KIF6: variants seen among roughly 807,000 people sequenced by gnomAD.
The protein encoded by KIF6 is kinesin-like protein KIF6.
Under a neutral mutation model 112.7 loss-of-function variants are expected in KIF6, and 106 were observed. That is an observed-to-expected ratio of 0.94 (90% CI 0.80 to 1.11). The LOEUF (loss-of-function observed/expected upper bound fraction) is 1.11, where lower values mean the gene tolerates loss of function less well. Among genes scored for constraint, KIF6 ranks in the 50% least tolerant of loss-of-function variants. KIF6 has a pLI of 0.00. For synonymous variants in KIF6, 339 were observed against 339.9 expected (o/e 1.00, Z 0.03); for missense variants, 929 against 964.0 (o/e 0.96, Z 0.48).
intron 16 of KIF6, among the ~76,000 whole-genome samples, chr6:39,364,705 T>G (rs1414095988): frequency 6.6e-6 from 1 of 152,376 alleles, no homozygotes; most frequent in East Asian, 1.9e-4. Flanking sequence ...TGTACCCTAT[T>G]GCTAATTCTC....
intron 10 of KIF6, among the ~76,000 whole-genome samples, chr6:39,561,509 G>A (rs937676256): frequency 6.6e-6 from 1 of 151,746 alleles, no homozygotes; most frequent in African/African-American, 2.4e-5. Flanking sequence ...AGGTCACCAC[G>A]CCCGGTTAAT....
intron 13 of KIF6, among the ~76,000 whole-genome samples, chr6:39,533,734 T>A (rs1313475683): frequency 2.0e-5 from 3 of 152,226 alleles, no homozygotes; most frequent in African/African-American, 7.2e-5. Flanking sequence ...AAGCTGGAGA[T>A]CTGAGAACTG....
In KIF6 at chr6:39,634,972, G is replaced by A. The variant is rs1171814081; in HGVS notation, c.400-14C>T. 2 of 1,371,140 alleles carry A rather than the reference G, an allele frequency of 1.5e-6. No homozygotes were observed. Among genetic ancestry groups the A allele is most frequent in the Admixed American group, 1.7e-5 (1 of 59,478 alleles). The allele number at this position is 1,371,140 out of a possible 1,614,324, so 84.9% of individuals were successfully genotyped here. ...TTTGCTGCTGTCCTGATTGGAAAAG[G>A]GAAAGGTATTATTTATCGGTTATAA... On this transcript the variant is annotated splice_polypyrimidine_tract_variant and intron_variant, in intron 4 of 22. Transcript: ENST00000287152.
At chr6:39,409,726 T>C (rs1476585609) in intron 15 of KIF6, among the ~76,000 whole-genome samples, 3 of 152,184 alleles carry the variant, frequency 2.0e-5, no homozygotes, top group African/African-American at 4.8e-5. Flanking sequence ...CTGAGTGGAA[T>C]GGCGGCTGCG....
Position 39,649,761 on chromosome 6 carries a change from GAAAGAAAGAAAGA to G in KIF6, c.252-10017_252-10005del, listed in dbSNP as rs1561897417. Among the ~76,000 whole-genome samples, 387 of 102,194 alleles carry G rather than the reference GAAAGAAAGAAAGA, an allele frequency of 3.8e-3. 4 individuals are homozygous for G. The highest frequency in any genetic ancestry group is 4.6e-3 in the Admixed American group (35 of 7,678). 67.0% of individuals were successfully genotyped at this position (102,194 alleles called of 152,430 possible). ...AGAAAGAAAGAAAGAAAGAAAGAAAGAAAGAAAGAAAGAAAAGAAACTAAACTAAATATCAGCA... is the reference window on the plus strand; with the variant it reads ...AGAAAGAAAGAAAGAAAGAAAGAAAGAAAGAAACTAAACTAAATATCAGCA... On this transcript the variant is annotated intron_variant, in intron 3 of 22. Transcript: ENST00000287152.
At chr6:39,557,053 A>G (rs1432398901) in intron 10 of KIF6, among the ~76,000 whole-genome samples, 2 of 152,112 alleles carry the variant, frequency 1.3e-5, no homozygotes, top group African/African-American at 2.4e-5. Flanking sequence ...ACCTACATAC[A>G]TATGCACATA....
intron 10 of KIF6, chr6:39,554,360 C>A: frequency 6.4e-6 from 1 of 156,680 alleles, no homozygotes; most frequent in South Asian, 1.8e-4. Flanking sequence ...CCTGAACAGC[C>A]TGACTGGCCC....
chr6:39,425,407 C>T (rs538789776), intron 14 of KIF6, among the ~76,000 whole-genome samples: 9 of 152,282 alleles, frequency 5.9e-5, no homozygotes, highest in Admixed American at 2.0e-4. Context: ...GCTGCCTCCA[C>T]TTTATTGTAA....
chr6:39,604,661 T>C (rs1366366950), intron 6 of KIF6, among the ~76,000 whole-genome samples: 1 of 152,180 alleles, frequency 6.6e-6, no homozygotes, highest in African/African-American at 2.4e-5. Flanking sequence ...AGAAATAGAC[T>C]AGACACACCA....
chr6:39,619,645 G>A (rs1459144880), intron 5 of KIF6, among the ~76,000 whole-genome samples: 1 of 152,158 alleles, frequency 6.6e-6, no homozygotes, highest in Non-Finnish European at 1.5e-5. Flanking sequence ...ATAACTGGAA[G>A]CTGTTGGCCA....
chr6:39,420,003 T>C lies in KIF6; in HGVS notation c.1755A>G (p.Arg585=). The change falls in exon 15 of 23, where the codon AGA becomes AGG. Residue 585 remains arginine, a splice_region_variant and synonymous_variant. Transcript: ENST00000287152. ...CTCCCAGGGCCTTGGCTTCAGAAAA[T>C]CTGGAGGGGAAAAAAATGAAAATTG... ...IDDNKQILKQ[R]FSEAKALGES... 2.5e-6 allele frequency: 4 copies of C among 1,610,506 alleles called. No homozygotes were observed. Among genetic ancestry groups the C allele is most frequent in the Non-Finnish European group, 3.4e-6 (4 of 1,176,930 alleles).
chr6:39,339,259 T>A (rs949965706), intron 22 of KIF6, among the ~76,000 whole-genome samples: 2 of 152,120 alleles, frequency 1.3e-5, no homozygotes, highest in African/African-American at 4.8e-5. Context: ...GCTTGGGAGT[T>A]GATAAGGGAC....
chr6:39,679,818 C>T (rs1787403124), intron 3 of KIF6, among the ~76,000 whole-genome samples: 1 of 151,184 alleles, frequency 6.6e-6, no homozygotes. Context: ...GGGGTTTCAC[C>T]GTGTTAGCCA....
Position 39,725,226 on chromosome 6 carries a change from C to G in KIF6, c.66+19G>C, listed in dbSNP as rs376632151. On this transcript the variant is annotated intron_variant, in intron 1 of 22. Transcript: ENST00000287152. Reference sequence around the variant, plus strand: ...AAGAGGCCCCGCCGCGCCGGCGCCCCGGAGGCTCCAGCCCGTACCCCTTGT... The same window carrying G: ...AAGAGGCCCCGCCGCGCCGGCGCCCGGGAGGCTCCAGCCCGTACCCCTTGT... 3.5e-4 allele frequency: 560 copies of G among 1,602,120 alleles called. 2 individuals carry two copies. Among genetic ancestry groups the G allele is most frequent in the Non-Finnish European group, 4.4e-4 (521 of 1,174,992 alleles).
intron 3 of KIF6, among the ~76,000 whole-genome samples, chr6:39,705,342 G>C (rs998360872): frequency 6.6e-6 from 1 of 152,182 alleles, no homozygotes; most frequent in Non-Finnish European, 1.5e-5. Flanking sequence ...CTAGACAAAA[G>C]AGCAGGTGTC....
At chr6:39,525,268 C>T (rs1270543736) in intron 13 of KIF6, among the ~76,000 whole-genome samples, 1 of 152,148 alleles carries the variant, frequency 6.6e-6, no homozygotes, top group Non-Finnish European at 1.5e-5. Flanking sequence ...CTCAGCCTCC[C>T]AAGTGGCTGG....
intron 9 of KIF6, among the ~76,000 whole-genome samples, chr6:39,583,674 CTTTTTTTTTTTTTTTTTTTTTTTTTT>C (rs564229262): frequency 1.4e-5 from 1 of 71,688 alleles, no homozygotes; most frequent in African/African-American, 4.9e-5. Context: ...GATTTCACTT[CTTTTTTTTTTTTTTTTTTTTTTTTTT>C]TTTTTTTTTT....
chr6:39,499,311 T>C (rs1775970614), intron 13 of KIF6, among the ~76,000 whole-genome samples: 1 of 150,294 alleles, frequency 6.7e-6, no homozygotes, highest in African/African-American at 2.4e-5. Flanking sequence ...TCTTAAAGAA[T>C]GAAGAGCAGT....
At chr6:39,679,380 T>C (rs1787366869) in intron 3 of KIF6, among the ~76,000 whole-genome samples, 1 of 152,138 alleles carries the variant, frequency 6.6e-6, no homozygotes, top group Non-Finnish European at 1.5e-5. Context: ...AGGGGTGAGA[T>C]ACCTAGAAAT....
Sources: allele counts gnomAD v4.1 joint callset (sites outside exome capture counted in the v4.1 genomes callset), GRCh38; gene constraint gnomAD v4.1.1; transcripts MANE v1.5; gene names NCBI Gene and HGNC (gene_info 2026-07-23, HGNC 2026-07-21).